Variants in MTFR2 observed in about 807,000 individuals in gnomAD.
MTFR2 encodes mitochondrial fission regulator 2.
In MTFR2, 44 loss-of-function variants were observed where a neutral mutation model predicts 41.2. The ratio of observed to expected loss-of-function variants is 1.07; its 90% CI spans 0.84 to 1.37. The LOEUF is 1.37. MTFR2 is among the 40% of genes most tolerant of loss of function. The pLI is 0.00. For missense variants in MTFR2, 452 were observed against 459.5 expected (o/e 0.98, Z 0.15); for synonymous variants, 141 against 154.6 (o/e 0.91, Z 0.65).
At position 136,232,161 on chromosome 6, in the gene MTFR2, TAC is replaced by T. The variant is rs534551746; in HGVS notation, c.1045-775_1045-774del. On this transcript the variant is annotated intron_variant, in intron 7 of 7. Coordinates refer to ENST00000420702, the MANE Select transcript of MTFR2 (RefSeq NM_001099286.3). ...GTCAACATGCTAAACATCAGATATATACACACACACACACAATGGTGAGCACA... is the reference window on the plus strand; with the variant it reads ...GTCAACATGCTAAACATCAGATATATACACACACACACAATGGTGAGCACA... Among the ~76,000 whole-genome samples the T allele has an allele frequency of 2.7e-4, 41 of 151,748 alleles. 1 individual carries two copies. Among genetic ancestry groups the T allele is most frequent in the Admixed American group, 5.9e-4 (9 of 15,250 alleles).
intron 7 of MTFR2, 151 bp downstream of exon 7, chr6:136,233,174 C>CA (rs760638113): frequency 5.4e-6 from 3 of 560,218 alleles, no homozygotes; most frequent in Non-Finnish European, 8.7e-6. Flanking sequence ...AAATTAACAA[C>CA]AAAAAAACCC....
Position 136,231,155 on chromosome 6 carries a change from G to A in MTFR2, c.*120C>T, listed in dbSNP as rs574399399. ...TACATAGCAAGTGTAGGCAAAATGT[G>A]TCAAGAAGAGTCTTTAAATACATCT... On this transcript the variant is annotated 3_prime_UTR_variant, in exon 8 of 8. Transcript: ENST00000420702. 64 of 643,660 alleles carry A rather than the reference G, an allele frequency of 9.9e-5. 2 individuals carry two copies. The South Asian group carries it at 1.2e-3, about 13-fold the overall frequency. The allele number at this position is 643,660 out of a possible 1,614,324, so 39.9% of individuals were successfully genotyped here. A position where few individuals can be genotyped will look rare whatever the true frequency, so the allele number is the denominator to read the frequency against.
intron 7 of MTFR2, among the ~76,000 whole-genome samples, chr6:136,232,143 T>C (rs1416591214): frequency 6.6e-6 from 1 of 152,202 alleles, no homozygotes; most frequent in East Asian, 1.9e-4. Flanking sequence ...TAAGTCAACA[T>C]GCTAAACATC....
In MTFR2 at chr6:136,231,295, G is replaced by C. The variant is rs1174003634; in HGVS notation, c.1138C>G (p.Leu380Val). The part of the protein sequence containing the change: ...AVDQGISNTS[L>V]LNSRI ...TGAGTTTAAATCCTTGAGTTTAGAA[G>C]GCTTGTGTTGCTGATACCTTGGTCA... The change falls in exon 8 of 8, where the codon CTT becomes GTT. Residue 380 changes from leucine (L) to valine (V), a missense_variant. By Grantham distance (32) the Leu-to-Val change is conservative. Coordinates refer to ENST00000420702, the MANE Select transcript of MTFR2 (RefSeq NM_001099286.3). 3.7e-6 allele frequency: 6 copies of C among 1,611,192 alleles called. No homozygotes were observed. Among genetic ancestry groups the C allele is most frequent in the Non-Finnish European group, 5.1e-6 (6 of 1,178,458 alleles).
chr6:136,241,479 A>C lies in MTFR2; in HGVS notation c.479T>G (p.Val160Gly). The C allele has an allele frequency of 6.2e-7, 1 of 1,613,930 alleles. No homozygotes were observed. Among genetic ancestry groups the C allele is most frequent in the Non-Finnish European group, 8.5e-7 (1 of 1,179,938 alleles). ...ACTATTTTTCAGTTCCTGCATTTCC[A>C]CAATTGCTGCAATCTGAGAGCGAAG... ...TFLRSQIAAI[V>G]EMQELKNSTN... Residue 160 changes from valine (V) to glycine (G), a missense_variant, in exon 5 of 8, where the codon GTG (valine) becomes GGG (glycine). Physicochemically the swap from Val to Gly is moderately radical, Grantham distance 109. Coordinates refer to ENST00000420702, the MANE Select transcript of MTFR2 (RefSeq NM_001099286.3).
Position 136,233,311 on chromosome 6 carries a change from T to G in MTFR2, c.1044+14A>C, listed in dbSNP as rs769386698. 14 of 1,605,398 alleles carry G rather than the reference T, an allele frequency of 8.7e-6. 1 individual carries two copies. Among genetic ancestry groups the G allele is most frequent in the Non-Finnish European group, 9.4e-6 (11 of 1,173,672 alleles). Reference sequence around the variant, plus strand: ...GAAAAACTGAAAAATTAATTTTACATTAGTGTAGCTTACCCTTGAAGTTTC... The same window carrying G: ...GAAAAACTGAAAAATTAATTTTACAGTAGTGTAGCTTACCCTTGAAGTTTC... On this transcript the variant is annotated intron_variant, in intron 7 of 7. Coordinates refer to ENST00000420702, the MANE Select transcript of MTFR2 (RefSeq NM_001099286.3).
At chr6:136,242,079 CAA>C (rs548176168) in intron 4 of MTFR2, among the ~76,000 whole-genome samples, 1,947 of 17,200 alleles carry the variant, frequency 0.11, 47 homozygotes, top group African/African-American at 0.21. Flanking sequence ...GACTCTGTCT[CAA>C]AAAAAAAAAA....
rs535579755 is a variant in MTFR2 at position 136,239,919 on chromosome 6, T to G, written c.515-99A>C. The stretch of plus-strand genomic sequence containing the variant: ...AGAACCAAAACAGGAGCAATTTCTG[T>G]AATGCTAGTAGCGATATGGTAGCAA... On this transcript the variant is annotated intron_variant, in intron 5 of 7. Coordinates refer to ENST00000420702, the MANE Select transcript of MTFR2 (RefSeq NM_001099286.3). 1.8e-4 allele frequency: 169 copies of G among 913,870 alleles called. 1 individual carries two copies. In the African/African-American group the frequency reaches 2.7e-3, roughly 15 times the overall value. 56.6% of individuals were successfully genotyped at this position (913,870 alleles called of 1,614,324 possible).
chr6:136,231,323 A>T lies in MTFR2; in HGVS notation c.1110T>A (p.Ala370=). 6.2e-7 allele frequency: 1 copy of T among 1,613,134 alleles called. No individual in the cohort carries two copies. The change falls in exon 8 of 8, where the codon GCT becomes GCA. Residue 370 remains alanine, a synonymous_variant. Transcript: ENST00000420702. ...TTGTGTTGCTGATACCTTGGTCAAC[A>T]GCTTTTGTGTTGACCATTTCTTCTT... is the stretch of plus-strand genomic sequence containing the variant. ...RTKEEMVNTK[A]VDQGISNTSL...
At chr6:136,244,901 C>T in intron 2 of MTFR2, 32 bp from the exon 3 acceptor site, 1 of 1,450,132 alleles carries the variant, frequency 6.9e-7, no homozygotes, top group Non-Finnish European at 9.6e-7. Context: ...AATTAAAATG[C>T]ACTCTGATTA....
intron 2 of MTFR2, chr6:136,247,440 T>G: frequency 4.4e-6 from 2 of 451,182 alleles, no homozygotes; most frequent in South Asian, 3.1e-5. Flanking sequence ...ACTTATTTAA[T>G]TAGATCCCTT....
At chr6:136,238,575 G>A (rs1779965928) in intron 6 of MTFR2, among the ~76,000 whole-genome samples, 1 of 152,092 alleles carries the variant, frequency 6.6e-6, no homozygotes, top group African/African-American at 2.4e-5. Context: ...AGTTATGCAA[G>A]ATGAAAAAGC....
chr6:136,238,490 G>T lies in MTFR2; in HGVS notation c.869+976C>A, dbSNP rs568405622. 1.2e-4 allele frequency among the ~76,000 whole-genome samples: 18 copies of T among 152,060 alleles called. 1 individual carries two copies. In the South Asian group the frequency reaches 3.7e-3, roughly 32 times the overall value. ...AAAATAAAGTAATCAAACTATAGAA[G>T]TAGAAAGAAGAATGGCAGTTGCCAG... On this transcript the variant is annotated intron_variant, in intron 6 of 7. Transcript: ENST00000420702.
chr6:136,237,295 C>T (rs538486362), intron 6 of MTFR2, among the ~76,000 whole-genome samples: 8 of 152,242 alleles, frequency 5.3e-5, no homozygotes, highest in African/African-American at 1.9e-4. Flanking sequence ...TTTTCCTTGC[C>T]TCATTTTAAA....
chr6:136,244,385 T>C (rs1449524090), intron 3 of MTFR2, among the ~76,000 whole-genome samples: 1 of 152,208 alleles, frequency 6.6e-6, no homozygotes, highest in African/African-American at 2.4e-5. Flanking sequence ...GTGTAACAAC[T>C]GCCTACAGTA....
At chr6:136,236,006 C>T (rs1000303532) in intron 6 of MTFR2, among the ~76,000 whole-genome samples, 2 of 152,042 alleles carry the variant, frequency 1.3e-5, no homozygotes, top group Admixed American at 6.6e-5. Context: ...TCAACTAAGA[C>T]GAGCAATGCT....
At chr6:136,249,639 C>T (rs1287886443) in intron 1 of MTFR2, among the ~76,000 whole-genome samples, 2 of 152,170 alleles carry the variant, frequency 1.3e-5, no homozygotes, top group Non-Finnish European at 1.5e-5. Context: ...ATCATGGGGG[C>T]AGCTTCCCCC....
intron 4 of MTFR2, 97 bp downstream of exon 4, chr6:136,242,764 T>C (rs1457863216): frequency 2.3e-6 from 2 of 862,112 alleles, no homozygotes; most frequent in Admixed American, 2.6e-5. Flanking sequence ...AGTTTGAAGA[T>C]AAACAAAACA....
chr6:136,249,114 C>T lies in MTFR2; in HGVS notation c.-15G>A, dbSNP rs780781366. 2.3e-5 allele frequency: 36 copies of T among 1,566,882 alleles called. No individual in the cohort carries two copies. Among genetic ancestry groups the T allele is most frequent in the Admixed American group, 6.6e-5 (3 of 45,352 alleles). On this transcript the variant is annotated 5_prime_UTR_variant, in exon 2 of 8. Transcript: ENST00000420702. ...ATGAGAGACATTGATGAAGCAAATA[C>T]AGAAGCCAATTCAAAGGAACATTAT...
Sources: allele counts gnomAD v4.1 joint callset (sites outside exome capture counted in the v4.1 genomes callset), GRCh38; gene constraint gnomAD v4.1.1; transcripts MANE v1.5; gene names NCBI Gene and HGNC (gene_info 2026-07-23, HGNC 2026-07-21).